Variants in CA7 observed in about 807,000 individuals in gnomAD.
CA7 encodes carbonate dehydratase VII.
CA7 carries 13 observed loss-of-function variants against 31.4 expected under a neutral mutation model. The ratio of observed to expected loss-of-function variants is 0.41; its 90% CI spans 0.27 to 0.66. The LOEUF is 0.66. Among genes scored for constraint, CA7 ranks in the 30% least tolerant of loss-of-function variants. The probability of loss-of-function intolerance (pLI) is 0.28; values close to 1 mark genes in which losing one functional copy is unlikely to be tolerated. For synonymous variants in CA7, 128 were observed against 133.2 expected, an observed-to-expected ratio of 0.96 and a Z score of 0.27; for missense variants, 215 against 351.0, an observed-to-expected ratio of 0.61 and a Z score of 3.10.
rs1253432379 is a variant in CA7 at position 66,845,296 on chromosome 16, T to C, written c.40+769T>C. On this transcript the variant is annotated intron_variant, in intron 1 of 6. Coordinates refer to ENST00000338437, the MANE Select transcript of CA7 (RefSeq NM_005182.3). ...GTCAATTCCCTTTGGGGCCATTTCT[T>C]ACCAAGCAGGGGTGGGGGTGTGGGG... 4 of 889,412 alleles carry C rather than the reference T, an allele frequency of 4.5e-6. No homozygotes were observed. In the East Asian group the frequency reaches 3.6e-4, roughly 81 times the overall value. The allele number at this position is 889,412 out of a possible 1,614,324, so 55.1% of individuals were successfully genotyped here. A position where few individuals can be genotyped will look rare whatever the true frequency, so the allele number is the denominator to read the frequency against.
rs201896800 is a variant in CA7 at position 66,851,672 on chromosome 16, C to T, written c.462C>T (p.Asp154=). Residue 154 remains aspartate, a synonymous_variant, in exon 5 of 7, where the codon GAC becomes GAT. Coordinates refer to ENST00000338437, the MANE Select transcript of CA7 (RefSeq NM_005182.3). The part of the protein sequence containing the change: ...AVVGVFLETG[D]EHPSMNRLTD... ...TGCCCTCTCCCTGACAGACAGGAGA[C>T]GAGCACCCCAGCATGAATCGTCTGA... 7.9e-5 allele frequency: 127 copies of T among 1,614,088 alleles called. No individual in the cohort carries two copies. Among genetic ancestry groups the T allele is most frequent in the East Asian group, 1.1e-4 (5 of 44,862 alleles).
At chr16:66,848,340 G>A (rs182415510) in intron 2 of CA7, among the ~76,000 whole-genome samples, 54 of 152,304 alleles carry the variant, frequency 3.5e-4, no homozygotes, top group Non-Finnish European at 5.3e-4. Context: ...GGGAGGGGGC[G>A]TGGGGCTCTA....
At chr16:66,846,945 A>C in intron 1 of CA7, 85 bp from the exon 2 acceptor site, 14 of 1,124,480 alleles carry the variant, frequency 1.2e-5, no homozygotes, top group Non-Finnish European at 1.7e-5. Flanking sequence ...AGGATGCTGA[A>C]GAGACCATTC....
At chr16:66,845,953 G>A (rs933261130) in intron 1 of CA7, among the ~76,000 whole-genome samples, 17 of 152,242 alleles carry the variant, frequency 1.1e-4, no homozygotes, top group African/African-American at 3.4e-4. Flanking sequence ...AGAGGGGCCG[G>A]GCCACGATTC....
Position 66,853,269 on chromosome 16 carries a change from A to T in CA7, c.673-107A>T. 7.3e-7 allele frequency: 1 copy of T among 1,370,406 alleles called. No homozygotes were observed. Among genetic ancestry groups the T allele is most frequent in the Non-Finnish European group, 1.0e-6 (1 of 975,986 alleles). The allele number at this position is 1,370,406 out of a possible 1,614,324, so 84.9% of individuals were successfully genotyped here. On this transcript the variant is annotated intron_variant, in intron 6 of 6. Transcript: ENST00000338437. The surrounding 1 kb of genome is among the most constrained non-coding windows in gnomAD (Gnocchi z 4.5). Reference sequence around the variant, plus strand: ...AGGGACAGACCCTAAGGGAAGGAGGAGGGAGGGGTAGAGCTGGCTGGGCAG... The same window carrying T: ...AGGGACAGACCCTAAGGGAAGGAGGTGGGAGGGGTAGAGCTGGCTGGGCAG...
rs371594749 is a variant in CA7, at chr16:66,853,491, G to C, written c.788G>C (p.Arg263Pro). Residue 263 changes from arginine (R) to proline (P), a missense_variant, in exon 7 of 7, where the codon CGG (arginine) becomes CCG (proline). By Grantham distance (103) the Arg-to-Pro change is moderately radical (BLOSUM62 -2). Coordinates refer to ENST00000338437, the MANE Select transcript of CA7 (RefSeq NM_005182.3). The surrounding 1 kb of genome is among the most constrained non-coding windows in gnomAD (Gnocchi z 4.5). ...LKGRVVKASF[R>P]A ...GGCCGCGTGGTAAAGGCCTCCTTCC[G>C]GGCCTGAGCTGCCCATCTGCCTAGC... 4.3e-6 allele frequency: 7 copies of C among 1,613,974 alleles called. No individual in the cohort carries two copies. Among genetic ancestry groups the C allele is most frequent in the Non-Finnish European group, 5.9e-6 (7 of 1,180,008 alleles).
chr16:66,844,921 G>C (rs1960893063), intron 1 of CA7: 1 of 1,025,876 alleles, frequency 9.7e-7, no homozygotes, highest in Non-Finnish European at 1.2e-6. Flanking sequence ...GGTGTCTGCG[G>C]GGAGCGCGCA....
chr16:66,845,819 C>T (rs1441578651), intron 1 of CA7, among the ~76,000 whole-genome samples: 1 of 152,180 alleles, frequency 6.6e-6, no homozygotes, highest in Admixed American at 6.5e-5. Context: ...GCTCCATGGG[C>T]CTGCTCCCCC....
chr16:66,844,756 T>G (rs1317082837), intron 1 of CA7, among the ~76,000 whole-genome samples: 1 of 152,240 alleles, frequency 6.6e-6, no homozygotes, highest in Non-Finnish European at 1.5e-5. Context: ...GCAAGCGACC[T>G]GGCGGCTGTG....
chr16:66,851,430 G>A, intron 3 of CA7, 33 bp from the exon 4 acceptor site: 3 of 1,568,912 alleles, frequency 1.9e-6, no homozygotes, highest in South Asian at 1.1e-5. Context: ...GCCTCTGGGA[G>A]GCACGAAGCA....
At chr16:66,851,884 C>T (rs532804963) in intron 5 of CA7, among the ~76,000 whole-genome samples, 158 bp downstream of exon 5, 22 of 152,230 alleles carry the variant, frequency 1.4e-4, no homozygotes, top group Admixed American at 9.8e-4. Flanking sequence ...GATTCCTCAT[C>T]GGGGTCAGCA....
intron 2 of CA7, among the ~76,000 whole-genome samples, chr16:66,849,977 G>A (rs35837553): frequency 5.3e-4 from 80 of 152,180 alleles, no homozygotes; most frequent in Admixed American, 1.3e-3. Context: ...AAAATTAGCC[G>A]GATGTGGTGG....
chr16:66,850,694 C>A, intron 3 of CA7, 35 bp downstream of exon 3: 1 of 1,441,148 alleles, frequency 6.9e-7, no homozygotes, highest in Non-Finnish European at 9.8e-7. Flanking sequence ...CCCTCTGCTA[C>A]ATGGGAAGGA....
In CA7 at chr16:66,853,474, G is replaced by A. The variant is rs894653046; in HGVS notation, c.771G>A (p.Val257=). 4 of 1,614,036 alleles carry A rather than the reference G, an allele frequency of 2.5e-6. No individual in the cohort carries two copies. The highest frequency in any genetic ancestry group is 1.7e-5 in the Admixed American group (1 of 60,002). The change falls in exon 7 of 7, where the codon GTG becomes GTA. Residue 257 remains valine (V), a synonymous_variant. Transcript: ENST00000338437. The surrounding 1 kb of genome is among the most constrained non-coding windows in gnomAD (Gnocchi z 4.5). ...FRPPQPLKGR[V]VKASFRA Reference sequence around the variant, plus strand: ...CACCACAGCCACTGAAGGGCCGCGTGGTAAAGGCCTCCTTCCGGGCCTGAG... The same window carrying A: ...CACCACAGCCACTGAAGGGCCGCGTAGTAAAGGCCTCCTTCCGGGCCTGAG...
Position 66,851,903 on chromosome 16 carries a change from G to A in CA7, c.516+177G>A, listed in dbSNP as rs576669060. ...CCTCATCGGGGTCAGCAGCCCCCTT[G>A]GGTGTCCAGCATGAAGCCCGGCTAG... On this transcript the variant is annotated intron_variant, in intron 5 of 6. Transcript: ENST00000338437. 4.4e-4 allele frequency among the ~76,000 whole-genome samples: 67 copies of A among 152,232 alleles called. No individual in the cohort carries two copies. In the South Asian group the frequency reaches 0.013, roughly 29 times the overall value.
intron 1 of CA7, among the ~76,000 whole-genome samples, chr16:66,846,029 A>C (rs1176466276): frequency 6.6e-6 from 1 of 152,188 alleles, no homozygotes; most frequent in Non-Finnish European, 1.5e-5. Flanking sequence ...AAACTTAAGA[A>C]GCCAAAAAGG....
intron 1 of CA7, among the ~76,000 whole-genome samples, chr16:66,846,321 TG>T (rs1257356113): frequency 1.3e-5 from 2 of 152,146 alleles, no homozygotes; most frequent in African/African-American, 4.8e-5. Context: ...TGTGTGTGTT[TG>T]TACACATGAA....
chr16:66,848,181 G>T (rs1334725781), intron 2 of CA7, among the ~76,000 whole-genome samples: 1 of 152,178 alleles, frequency 6.6e-6, no homozygotes, highest in African/African-American at 2.4e-5. Flanking sequence ...TTAGTTCTGA[G>T]TTCCCTGGTA....
chr16:66,851,419 T>C, intron 3 of CA7, 44 bp from the exon 4 acceptor site: 1 of 1,518,838 alleles, frequency 6.6e-7, no homozygotes, highest in Non-Finnish European at 9.1e-7. Context: ...GAGTTCCCAT[T>C]GCCTCTGGGA....
Sources: allele counts gnomAD v4.1 joint callset (sites outside exome capture counted in the v4.1 genomes callset), GRCh38; gene constraint gnomAD v4.1.1; non-coding constraint Gnocchi (gnomAD v3.1); transcripts MANE v1.5; gene names NCBI Gene and HGNC (gene_info 2026-07-23, HGNC 2026-07-21).